USO1: variants seen among roughly 807,000 people sequenced by gnomAD.
USO1 encodes general vesicular transport factor p115.
In USO1, 57 loss-of-function variants were observed where a neutral mutation model predicts 124.5. That is an observed-to-expected ratio of 0.46 (90% CI 0.37 to 0.57). The LOEUF (loss-of-function observed/expected upper bound fraction) is 0.57. Among genes scored for constraint, USO1 ranks in the 20% least tolerant of loss-of-function variants. The pLI, the probability that USO1 is intolerant of heterozygous loss-of-function variation, is 0.00. For synonymous variants in USO1, 369 were observed against 362.8 expected, an observed-to-expected ratio of 1.02 and a Z score of -0.19; for missense variants, 900 against 1,040.6, an observed-to-expected ratio of 0.86 and a Z score of 1.86.
At chr4:75,762,860 G>A (rs865900795) in intron 4 of USO1, among the ~76,000 whole-genome samples, 3 of 152,156 alleles carry the variant, frequency 2.0e-5, no homozygotes, top group East Asian at 3.9e-4. Context: ...CCTGGGAGGC[G>A]GAGCTTGCAG....
At chr4:75,781,993 T>G (rs1046656109) in intron 8 of USO1, among the ~76,000 whole-genome samples, 2 of 152,062 alleles carry the variant, frequency 1.3e-5, no homozygotes, top group Admixed American at 1.3e-4. Flanking sequence ...GAAACTGCCC[T>G]GGAGAGTATA....
intron 1 of USO1, among the ~76,000 whole-genome samples, chr4:75,732,671 G>A (rs1720666481): frequency 6.6e-6 from 1 of 151,820 alleles, no homozygotes; most frequent in Admixed American, 6.6e-5. Context: ...GAGGTGAGGA[G>A]ATCAAGACCA....
intron 12 of USO1, among the ~76,000 whole-genome samples, chr4:75,791,947 G>C (rs182383848): frequency 6.6e-5 from 10 of 150,790 alleles, no homozygotes; most frequent in African/African-American, 2.4e-4. Context: ...TTTTTGGAAT[G>C]TTACCATCAT....
At chr4:75,743,271 C>T (rs1721019263) in intron 1 of USO1, among the ~76,000 whole-genome samples, 1 of 152,198 alleles carries the variant, frequency 6.6e-6, no homozygotes, top group Non-Finnish European at 1.5e-5. Context: ...AAGCGTGAGC[C>T]ACCATGCCTG....
intron 1 of USO1, 175 bp downstream of exon 1, chr4:75,725,060 C>T: frequency 1.4e-6 from 1 of 705,864 alleles, no homozygotes; most frequent in Non-Finnish European, 2.4e-6. Flanking sequence ...CAATCACGCC[C>T]CCAGCTCAGT....
At chr4:75,759,646 C>T (rs1296142496) in intron 4 of USO1, among the ~76,000 whole-genome samples, 4 of 151,050 alleles carry the variant, frequency 2.6e-5, no homozygotes, top group African/African-American at 4.9e-5. Context: ...CGGTGGCTCA[C>T]GCCTGTAATC....
chr4:75,733,556 C>T (rs183755076), intron 1 of USO1, among the ~76,000 whole-genome samples: 1 of 152,144 alleles, frequency 6.6e-6, no homozygotes, highest in Admixed American at 6.6e-5. Flanking sequence ...TTTTGACTTG[C>T]ATTTGTCAGA....
intron 4 of USO1, chr4:75,767,552 G>A (rs1388913609): frequency 2.8e-6 from 1 of 358,938 alleles, no homozygotes; most frequent in East Asian, 9.6e-5. Context: ...AGACCATCCT[G>A]GCTAACACAG....
At chr4:75,771,184 T>TC in intron 7 of USO1, 47 bp downstream of exon 7, 2 of 1,546,416 alleles carry the variant, frequency 1.3e-6, no homozygotes, top group Non-Finnish European at 1.7e-6. Context: ...GGCTTTTTTT[T>TC]CTCTTGCAAA....
At chr4:75,778,593 TG>T (rs1389339129) in intron 8 of USO1, among the ~76,000 whole-genome samples, 1 of 152,112 alleles carries the variant, frequency 6.6e-6, no homozygotes, top group East Asian at 1.9e-4. Context: ...TTTAGATCAG[TG>T]GTTGCCAGGG....
chr4:75,778,165 A>T (rs1476090531), intron 8 of USO1, among the ~76,000 whole-genome samples: 1 of 152,164 alleles, frequency 6.6e-6, no homozygotes, highest in Non-Finnish European at 1.5e-5. Context: ...CCCAGTTGAA[A>T]ATCTACTTTT....
In USO1 at chr4:75,774,876, G is replaced by A. The variant is rs537548110; in HGVS notation, c.676+80G>A. 3.3e-5 allele frequency: 48 copies of A among 1,461,428 alleles called. No individual in the cohort carries two copies. In the African/African-American group the frequency reaches 4.9e-4, roughly 15 times the overall value. The allele number at this position is 1,461,428 out of a possible 1,614,324, so 90.5% of individuals were successfully genotyped here. A position where few individuals can be genotyped will look rare whatever the true frequency, so the allele number is the denominator to read the frequency against. On this transcript the variant is annotated intron_variant, in intron 8 of 23. Transcript: ENST00000514213. ...AGGGTATAGGGAATACAGTTGGAGG[G>A]AGAAATGGGGACTCTTATTTATACT...
intron 13 of USO1, chr4:75,795,489 G>C: frequency 1.6e-6 from 1 of 640,258 alleles, no homozygotes; most frequent in Non-Finnish European, 2.8e-6. Flanking sequence ...TTGCGTGTCA[G>C]CCAATTTATT....
intron 1 of USO1, among the ~76,000 whole-genome samples, chr4:75,742,582 A>T (rs913534455): frequency 6.6e-6 from 1 of 152,246 alleles, no homozygotes; most frequent in African/African-American, 2.4e-5. Context: ...TGGAAAAGTT[A>T]CTTGTTTCAA....
intron 17 of USO1, among the ~76,000 whole-genome samples, chr4:75,803,248 T>G (rs1264149147): frequency 1.3e-5 from 2 of 152,178 alleles, no homozygotes; most frequent in South Asian, 4.1e-4. Flanking sequence ...GGGGAAATTA[T>G]GATAGAATGT....
At chr4:75,795,776 A>G (rs759387493) in intron 13 of USO1, among the ~76,000 whole-genome samples, 5 of 152,214 alleles carry the variant, frequency 3.3e-5, no homozygotes, top group Admixed American at 6.5e-5. Flanking sequence ...ATACTAGATT[A>G]TTTAAAATGT....
chr4:75,747,074 A>G (rs1052995106), intron 1 of USO1, among the ~76,000 whole-genome samples: 3 of 152,210 alleles, frequency 2.0e-5, no homozygotes, highest in African/African-American at 7.2e-5. Flanking sequence ...GACATCCTCT[A>G]TATCATATAG....
intron 8 of USO1, among the ~76,000 whole-genome samples, chr4:75,780,521 G>A (rs778655732): frequency 1.5e-4 from 23 of 150,828 alleles, no homozygotes; most frequent in Non-Finnish European, 2.7e-4. Flanking sequence ...ATTCGCCCAC[G>A]TGGCCTCCCA....
At chr4:75,800,190 G>C (rs1014859416) in intron 14 of USO1, among the ~76,000 whole-genome samples, 161 bp from the exon 15 acceptor site, 2 of 152,066 alleles carry the variant, frequency 1.3e-5, no homozygotes, top group African/African-American at 2.4e-5. Context: ...ACCCACCTTG[G>C]CCTCCCAAAG....
Sources: allele counts gnomAD v4.1 joint callset (sites outside exome capture counted in the v4.1 genomes callset), GRCh38; gene constraint gnomAD v4.1.1; transcripts MANE v1.5; gene names NCBI Gene and HGNC (gene_info 2026-07-23, HGNC 2026-07-21).